EXOC5: variants seen among roughly 807,000 people sequenced by gnomAD.
The protein encoded by EXOC5 is SEC10-like 1.
A neutral mutation model predicts 90.8 loss-of-function variants in EXOC5; 17 were observed. The observed-to-expected ratio is 0.19, with a 90% confidence interval of 0.13 to 0.28. The LOEUF (loss-of-function observed/expected upper bound fraction) is 0.28. EXOC5 is among the 10% of genes least tolerant of loss of function. The pLI is 1.00. For synonymous variants in EXOC5, 260 were observed against 270.0 expected (o/e 0.96, Z 0.36); for missense variants, 569 against 830.6 (o/e 0.69, Z 3.87).
chr14:57,217,323 G>GT (rs930285643), intron 15 of EXOC5, among the ~76,000 whole-genome samples: 16 of 152,072 alleles, frequency 1.1e-4, no homozygotes, highest in African/African-American at 3.6e-4. Context: ...GGTTTGTTTT[G>GT]TTTTTTTACA....
At chr14:57,236,728 T>C (rs1015844730) in intron 6 of EXOC5, among the ~76,000 whole-genome samples, 29 of 152,150 alleles carry the variant, frequency 1.9e-4, no homozygotes, top group African/African-American at 6.5e-4. Flanking sequence ...TATAGATGAA[T>C]CTTTGAATCT....
intron 15 of EXOC5, among the ~76,000 whole-genome samples, chr14:57,214,172 T>TA (rs1882907376): frequency 6.6e-6 from 1 of 152,134 alleles, no homozygotes; most frequent in Non-Finnish European, 1.5e-5. Flanking sequence ...ATGTCCAGCC[T>TA]ACACACATGC....
chr14:57,245,269 T>C (rs1396877241), intron 3 of EXOC5, among the ~76,000 whole-genome samples: 1 of 152,186 alleles, frequency 6.6e-6, no homozygotes, highest in Non-Finnish European at 1.5e-5. Flanking sequence ...GTGGGACGTT[T>C]TTCCAACCTT....
chr14:57,229,258 A>G (rs1829819196), intron 12 of EXOC5, among the ~76,000 whole-genome samples: 1 of 152,190 alleles, frequency 6.6e-6, no homozygotes, highest in African/African-American at 2.4e-5. Context: ...CCTATCTTTT[A>G]TTACAAAAAA....
intron 1 of EXOC5, among the ~76,000 whole-genome samples, chr14:57,266,015 C>T (rs1267951399): frequency 6.6e-6 from 1 of 152,186 alleles, no homozygotes; most frequent in Non-Finnish European, 1.5e-5. Flanking sequence ...AAGTTGTTTT[C>T]ATTGAGAGTC....
In EXOC5 at chr14:57,205,535, T is replaced by C. The variant is rs773160531; in HGVS notation, c.*3074A>G. The C allele has an allele frequency of 3.8e-6, 1 of 260,344 alleles. No homozygotes were observed. Among genetic ancestry groups the C allele is most frequent in the Non-Finnish European group, 7.4e-6 (1 of 134,730 alleles). 16.1% of individuals were successfully genotyped at this position (260,344 alleles called of 1,614,324 possible). The stretch of plus-strand genomic sequence containing the variant: ...TGCCTTAGCCACTACCTTAGGTACT[T>C]GACCACTTTAAGGGGTTTTGTGGCA... On this transcript the variant is annotated 3_prime_UTR_variant, in exon 18 of 18. Coordinates refer to ENST00000621441, the MANE Select transcript of EXOC5 (RefSeq NM_006544.4).
intron 15 of EXOC5, among the ~76,000 whole-genome samples, chr14:57,214,181 G>A (rs1332146922): frequency 1.3e-5 from 2 of 152,088 alleles, no homozygotes; most frequent in African/African-American, 2.4e-5. Flanking sequence ...CTACACACAT[G>A]CCATTTTATT....
At chr14:57,237,413 T>A (rs1883694712) in intron 5 of EXOC5, 47 bp from the exon 6 acceptor site, 2 of 1,330,428 alleles carry the variant, frequency 1.5e-6, no homozygotes, top group Admixed American at 2.1e-5. Context: ...GTGATAAACA[T>A]CCTATGGCAA....
At chr14:57,210,693 G>C (rs1426035948) in intron 15 of EXOC5, among the ~76,000 whole-genome samples, 1 of 152,062 alleles carries the variant, frequency 6.6e-6, no homozygotes, top group East Asian at 1.9e-4. Context: ...TCCTGACTCT[G>C]AATTTATATG....
intron 1 of EXOC5, among the ~76,000 whole-genome samples, chr14:57,260,401 A>G (rs1166491955): frequency 2.0e-5 from 3 of 152,210 alleles, no homozygotes; most frequent in Non-Finnish European, 4.4e-5. Flanking sequence ...AAAATTAGTC[A>G]ATGTTAACAT....
chr14:57,258,478 A>G lies in EXOC5; in HGVS notation c.27+10144T>C, dbSNP rs538069331. On this transcript the variant is annotated intron_variant, in intron 1 of 17. Transcript: ENST00000621441. ...AACCAAACACTGCATGTTCTCACTC[A>G]TAAGTGGAAGCTGAAAAATGAGAAT... Among the ~76,000 whole-genome samples the G allele has an allele frequency of 3.3e-5, 5 of 152,304 alleles. No homozygotes were observed. The South Asian group carries it at 1.0e-3, about 32-fold the overall frequency.
Position 57,202,601 on chromosome 14 carries a change from G to C in EXOC5, c.*6008C>G, listed in dbSNP as rs1028872789. On this transcript the variant is annotated 3_prime_UTR_variant, in exon 18 of 18. Transcript: ENST00000621441. ...CACTAATCAGTAGATTCTTATTAGAGTTGATAAAGGAATTCAATGTGATAT... is the reference window on the plus strand; with the variant it reads ...CACTAATCAGTAGATTCTTATTAGACTTGATAAAGGAATTCAATGTGATAT... The C allele has an allele frequency of 6.6e-6, 1 of 152,158 alleles. No homozygotes were observed. The highest frequency in any genetic ancestry group is 6.6e-5 in the Admixed American group (1 of 15,264). 9.4% of individuals were successfully genotyped at this position (152,158 alleles called of 1,614,324 possible).
intron 3 of EXOC5, among the ~76,000 whole-genome samples, chr14:57,244,773 G>C (rs544730308): frequency 6.6e-6 from 1 of 152,284 alleles, no homozygotes; most frequent in South Asian, 2.1e-4. Context: ...GAGGGAGGCA[G>C]ATCACTTGAG....
intron 6 of EXOC5, among the ~76,000 whole-genome samples, chr14:57,236,303 T>TC (rs1883657111): frequency 1.3e-5 from 2 of 150,854 alleles, no homozygotes; most frequent in East Asian, 1.9e-4. Flanking sequence ...TTTTTTTTTT[T>TC]CGAGACAGAG....
In EXOC5 at chr14:57,201,499, T is replaced by C. The variant is rs1882504032; in HGVS notation, c.*7110A>G. On this transcript the variant is annotated 3_prime_UTR_variant, in exon 18 of 18. Transcript: ENST00000621441. ...ACACACGTGTATAAACACACGTGTATATACACACACATATGTATATATATA... is the reference window on the plus strand; with the variant it reads ...ACACACGTGTATAAACACACGTGTACATACACACACATATGTATATATATA... 1 of 130,570 alleles carries C rather than the reference T, an allele frequency of 7.7e-6. No homozygotes were observed. Among genetic ancestry groups the C allele is most frequent in the Non-Finnish European group, 1.5e-5 (1 of 65,186 alleles). The allele number at this position is 130,570 out of a possible 1,614,324, so 8.1% of individuals were successfully genotyped here. A position where few individuals can be genotyped will look rare whatever the true frequency, so the allele number is the denominator to read the frequency against.
At chr14:57,230,910 G>GA (rs1045648341) in intron 11 of EXOC5, among the ~76,000 whole-genome samples, 166 of 130,646 alleles carry the variant, frequency 1.3e-3, no homozygotes, top group Non-Finnish European at 2.0e-3. Flanking sequence ...ATTCTATCGA[G>GA]AAAAAAAAAA....
chr14:57,232,815 T>C (rs182318682), intron 9 of EXOC5, 66 bp from the exon 10 acceptor site: 11 of 766,520 alleles, frequency 1.4e-5, no homozygotes, highest in Non-Finnish European at 4.2e-6. Context: ...TCTCAAGATA[T>C]TTTTCTTTTA....
chr14:57,223,103 A>C (rs1883203387), intron 12 of EXOC5, among the ~76,000 whole-genome samples: 1 of 152,126 alleles, frequency 6.6e-6, no homozygotes, highest in Admixed American at 6.5e-5. Context: ...CAGTACTTAC[A>C]TTCTAGCCTT....
At chr14:57,213,883 T>C (rs1456891438) in intron 15 of EXOC5, among the ~76,000 whole-genome samples, 1 of 151,708 alleles carries the variant, frequency 6.6e-6, no homozygotes, top group African/African-American at 2.4e-5. Context: ...GGCAGGAGAA[T>C]CACTTGAACC....
Sources: gnomAD v4.1 joint callset for allele counts (sites outside exome capture counted in the v4.1 genomes callset) on GRCh38, gnomAD v4.1.1 for gene constraint, MANE v1.5 for transcripts, NCBI Gene and HGNC (gene_info 2026-07-23, HGNC 2026-07-21) for gene names.